The following RAD17 variants were observed in gnomAD, a reference collection of about 807,000 sequenced individuals.
The protein encoded by RAD17 is cell cycle checkpoint protein RAD17.
In RAD17, 31 loss-of-function variants were observed where a neutral mutation model predicts 81.5. The ratio of observed to expected loss-of-function variants is 0.38; its 90% CI spans 0.29 to 0.51. The LOEUF is 0.51. RAD17 is among the 20% of genes least tolerant of loss of function. RAD17 has a pLI of 0.88. For missense variants in RAD17, 681 were observed against 781.2 expected (o/e 0.87, Z 1.53); for synonymous variants, 261 against 266.2 (o/e 0.98, Z 0.19).
In RAD17 at chr5:69,372,304, G is replaced by T. The variant is rs1040208106; in HGVS notation, c.9+87G>T. The T allele has an allele frequency of 1.1e-5, 14 of 1,235,188 alleles. No individual in the cohort carries two copies. The African/African-American group carries it at 1.9e-4, about 17-fold the overall frequency. 76.5% of individuals were successfully genotyped at this position (1,235,188 alleles called of 1,614,324 possible). On this transcript the variant is annotated intron_variant, in intron 4 of 18. Transcript: ENST00000354868. Reference sequence around the variant, plus strand: ...CCTAACTCTGTCTTAAAAGAAGAGTGAAGTGTGACTTAGCATTCGTAAAGT... The same window carrying T: ...CCTAACTCTGTCTTAAAAGAAGAGTTAAGTGTGACTTAGCATTCGTAAAGT...
rs145329550 is a variant in RAD17, at chr5:69,376,459, G to A, written c.351+1748G>A. 1.4e-3 allele frequency among the ~76,000 whole-genome samples: 216 copies of A among 152,308 alleles called. 1 individual carries two copies. Among genetic ancestry groups the A allele is most frequent in the African/African-American group, 5.1e-3 (213 of 41,578 alleles). ...ATTTCCAACTAGAAAGGCAGGATAA[G>A]TTTTGTATCTTTTCCTTTTTTAAAA... On this transcript the variant is annotated intron_variant, in intron 6 of 18. Coordinates refer to ENST00000354868, the MANE Select transcript of RAD17 (RefSeq NM_133338.3).
rs558438419 is a variant in RAD17, at chr5:69,400,081, T to G, written c.1605T>G (p.Leu535=). The change falls in exon 17 of 19, where the codon CTT becomes CTG. Residue 535 remains leucine, a synonymous_variant. Coordinates refer to ENST00000354868, the MANE Select transcript of RAD17 (RefSeq NM_133338.3). ...YRENCLAAKA[L]FPDFCLPALC... ...AAAATTGCCTGGCAGCAAAAGCACTTTTTCCTGACTTCTGCCTACCAGCTT... is the reference window on the plus strand; with the variant it reads ...AAAATTGCCTGGCAGCAAAAGCACTGTTTCCTGACTTCTGCCTACCAGCTT... 3 of 1,602,980 alleles carry G rather than the reference T, an allele frequency of 1.9e-6. No homozygotes were observed. Among genetic ancestry groups the G allele is most frequent in the Non-Finnish European group, 2.6e-6 (3 of 1,175,060 alleles).
At chr5:69,372,841 G>A (rs966477868) in intron 4 of RAD17, among the ~76,000 whole-genome samples, 11 of 152,024 alleles carry the variant, frequency 7.2e-5, no homozygotes, top group African/African-American at 2.7e-4. Context: ...AAACTCCTGG[G>A]CTCAGCAATC....
chr5:69,401,982 C>A (rs555503858), intron 17 of RAD17, among the ~76,000 whole-genome samples: 10 of 93,920 alleles, frequency 1.1e-4, no homozygotes, highest in South Asian at 8.1e-4. Context: ...CCAGCCTGGG[C>A]AACAGAGCAA....
In RAD17 at chr5:69,371,448, C is replaced by G. The variant is rs868390145; in HGVS notation, c.-279-6C>G. On this transcript the variant is annotated splice_polypyrimidine_tract_variant and splice_region_variant and intron_variant, in intron 2 of 18. Transcript: ENST00000354868. ...TTTGAGGGCTTCTTCCCCCCCCCCC[C>G]CCCAGGTGAATTATAGTTTAATGTA... 6.7e-5 allele frequency: 31 copies of G among 461,782 alleles called. 3 individuals are homozygous for G. Among genetic ancestry groups the G allele is most frequent in the East Asian group, 4.6e-4 (9 of 19,482 alleles). 28.6% of individuals were successfully genotyped at this position (461,782 alleles called of 1,614,324 possible).
At chr5:69,377,439 G>GTATATA (rs373632198) in intron 6 of RAD17, among the ~76,000 whole-genome samples, 40 of 55,494 alleles carry the variant, frequency 7.2e-4, no homozygotes, top group African/African-American at 1.8e-3. Flanking sequence ...GTGTGTGTGT[G>GTATATA]TATATATATA....
chr5:69,407,926 T>C (rs1025166632), intron 17 of RAD17, among the ~76,000 whole-genome samples: 11 of 152,242 alleles, frequency 7.2e-5, no homozygotes, highest in African/African-American at 2.7e-4. Context: ...ATTTTAGTTA[T>C]TGTACCTTTT....
intron 1 of RAD17, chr5:69,370,726 TCA>T (rs1762910768): frequency 6.5e-6 from 1 of 153,900 alleles, no homozygotes; most frequent in African/African-American, 2.4e-5. Flanking sequence ...TTTTGAAACG[TCA>T]CAGTCTCTAA....
At chr5:69,400,013 T>C (rs955118899) in intron 16 of RAD17, 36 bp from the exon 17 acceptor site, 30 of 1,421,152 alleles carry the variant, frequency 2.1e-5, no homozygotes, top group Non-Finnish European at 2.7e-5. Context: ...TTAATTTCAT[T>C]TTTCCTTTCA....
chr5:69,410,432 ATTGGCCAT>A (rs1765895771), intron 17 of RAD17, 53 bp from the exon 18 acceptor site: 1 of 1,335,460 alleles, frequency 7.5e-7, no homozygotes, highest in South Asian at 1.2e-5. Flanking sequence ...TCAGGTGCTT[ATTGGCCAT>A]TTGTATATTT....
intron 3 of RAD17, 39 bp from the exon 4 acceptor site, chr5:69,371,995 G>C: frequency 2.7e-6 from 3 of 1,095,252 alleles, no homozygotes; most frequent in Non-Finnish European, 3.6e-6. Context: ...TGTTAAGTAA[G>C]TTACTTAACT....
intron 6 of RAD17, among the ~76,000 whole-genome samples, chr5:69,380,651 C>A (rs1236689891): frequency 6.6e-6 from 1 of 151,754 alleles, no homozygotes; most frequent in East Asian, 1.9e-4. Context: ...TTTGATATTT[C>A]TGTAGCTTCA....
chr5:69,374,530 A>G (rs532536032), intron 5 of RAD17, 98 bp from the exon 6 acceptor site: 3 of 696,656 alleles, frequency 4.3e-6, no homozygotes, highest in Non-Finnish European at 4.8e-6. Flanking sequence ...CTGATTTGCT[A>G]CTTCTTTTCG....
At chr5:69,399,592 A>G (rs1166842901) in intron 16 of RAD17, among the ~76,000 whole-genome samples, 1 of 152,186 alleles carries the variant, frequency 6.6e-6, no homozygotes, top group Non-Finnish European at 1.5e-5. Context: ...TTTATAGCAT[A>G]TATATTAATT....
At chr5:69,403,739 G>A (rs1461287809) in intron 17 of RAD17, among the ~76,000 whole-genome samples, 1 of 152,098 alleles carries the variant, frequency 6.6e-6, no homozygotes, top group Non-Finnish European at 1.5e-5. Context: ...AGGCAACACG[G>A]TGATACCTTG....
intron 6 of RAD17, among the ~76,000 whole-genome samples, chr5:69,377,076 C>T (rs574965596): frequency 3.8e-4 from 58 of 152,144 alleles, no homozygotes; most frequent in African/African-American, 1.3e-3. Context: ...TTGAACCAAG[C>T]TCCTTTCTCT....
At position 69,369,835 on chromosome 5, in the gene RAD17, G is replaced by C. The variant is rs1266916958; in HGVS notation, c.-515G>C. The stretch of plus-strand genomic sequence containing the variant: ...GGGAGGCCGTACCTCCGAGAGGCTC[G>C]GCGTTGAGCCCGGGTAGGGCCAGGT... On this transcript the variant is annotated 5_prime_UTR_variant, in exon 1 of 19. Coordinates refer to ENST00000354868, the MANE Select transcript of RAD17 (RefSeq NM_133338.3). 1.1e-6 allele frequency: 1 copy of C among 921,174 alleles called. No individual in the cohort carries two copies. Among genetic ancestry groups the C allele is most frequent in the Non-Finnish European group, 1.6e-6 (1 of 606,580 alleles). 57.1% of individuals were successfully genotyped at this position (921,174 alleles called of 1,614,324 possible). A position where few individuals can be genotyped will look rare whatever the true frequency, so the allele number is the denominator to read the frequency against.
In RAD17 at chr5:69,396,436, A is replaced by G. The variant is rs1195487332; in HGVS notation, c.1462A>G (p.Thr488Ala). The G allele has an allele frequency of 1.2e-6, 2 of 1,613,492 alleles. No homozygotes were observed. Among genetic ancestry groups the G allele is most frequent in the South Asian group, 1.1e-5 (1 of 91,030 alleles). ...CAGGGAATATAGCACATCTATAGCTACGAGAGGTGTGATGCATTCCAACAA... is the reference window on the plus strand; with the variant it reads ...CAGGGAATATAGCACATCTATAGCTGCGAGAGGTGTGATGCATTCCAACAA... ...LLREYSTSIA[T>A]RGVMHSNKAR... The change falls in exon 16 of 19, where the codon ACG (threonine) becomes GCG (alanine). Residue 488 changes from threonine to alanine, a missense_variant. Physicochemically the swap from Thr to Ala is moderately conservative, Grantham distance 58 (BLOSUM62 0). Transcript: ENST00000354868.
chr5:69,380,193 TA>T (rs1162834972), intron 6 of RAD17, among the ~76,000 whole-genome samples: 1 of 151,836 alleles, frequency 6.6e-6, no homozygotes, highest in African/African-American at 2.4e-5. Flanking sequence ...CTTTTTTTTT[TA>T]AAAAACAAGT....
Sources: allele counts gnomAD v4.1 joint callset (sites outside exome capture counted in the v4.1 genomes callset), GRCh38; gene constraint gnomAD v4.1.1; transcripts MANE v1.5; gene names NCBI Gene and HGNC (gene_info 2026-07-23, HGNC 2026-07-21).